GSTA5: variants seen among roughly 807,000 people sequenced by gnomAD.
GSTA5 encodes the protein glutathione S-transferase alpha 5, also known as glutathione S-transferase A5.
GSTA5 carries 25 observed loss-of-function variants against 21.8 expected under a neutral mutation model. The observed-to-expected ratio is 1.14, with a 90% CI of 0.83 to 1.60. The LOEUF (loss-of-function observed/expected upper bound fraction) is 1.60. GSTA5 is among the 40% of genes most tolerant of loss of function. GSTA5 has a pLI of 0.00. For synonymous variants in GSTA5, 102 were observed against 89.5 expected, an observed-to-expected ratio of 1.14 and a Z score of -0.78; for missense variants, 330 against 259.2, an observed-to-expected ratio of 1.27 and a Z score of -1.88.
chr6:52,841,084 T>C (rs541880631), upstream of GSTA5, among the ~76,000 whole-genome samples: 1 of 152,328 alleles, frequency 6.6e-6, no homozygotes, highest in East Asian at 1.9e-4. Flanking sequence ...GAGTATGTGG[T>C]AATAATACAT....
At chr6:52,840,463 T>G (rs1315140893) in intron 1 of GSTA5, among the ~76,000 whole-genome samples, 3 of 152,234 alleles carry the variant, frequency 2.0e-5, no homozygotes, top group African/African-American at 7.2e-5. Context: ...CATAAATTAT[T>G]TTTTACAGTT....
intron 4 of GSTA5, 48 bp downstream of exon 4, chr6:52,834,093 A>G (rs1764256869): frequency 1.9e-6 from 3 of 1,609,062 alleles, no homozygotes; most frequent in Admixed American, 1.7e-5. Flanking sequence ...CTATTTTTCT[A>G]CTGGTGTCTA....
At chr6:52,844,654 G>A (rs190382893), upstream of GSTA5, among the ~76,000 whole-genome samples, 36 of 152,304 alleles carry the variant, frequency 2.4e-4, no homozygotes, top group Middle Eastern at 3.4e-3. Flanking sequence ...GCTGTAGGTT[G>A]TTTAGTCTCT....
intron 1 of GSTA5, among the ~76,000 whole-genome samples, chr6:52,839,964 T>TGTGAAC (rs1764348865): frequency 6.6e-6 from 1 of 152,220 alleles, no homozygotes; most frequent in Non-Finnish European, 1.5e-5. Context: ...TCACTGTCTA[T>TGTGAAC]CTCCATGACC....
intron 3 of GSTA5, 107 bp from the exon 4 acceptor site, chr6:52,834,389 C>A: frequency 4.7e-6 from 5 of 1,069,852 alleles, no homozygotes; most frequent in Non-Finnish European, 6.8e-6. Context: ...AGTAATTCAC[C>A]TCCAGTTAGT....
At chr6:52,837,250 C>T (rs1230855640) in intron 2 of GSTA5, among the ~76,000 whole-genome samples, 2 of 152,172 alleles carry the variant, frequency 1.3e-5, no homozygotes, top group South Asian at 2.1e-4. Context: ...GGGGAGGGCT[C>T]TATGGGATCC....
intron 1 of GSTA5, among the ~76,000 whole-genome samples, chr6:52,839,578 G>C (rs902905733): frequency 2.6e-5 from 4 of 152,158 alleles, no homozygotes; most frequent in African/African-American, 9.7e-5. Flanking sequence ...TGAGGCTGAA[G>C]GGGCGCGCTA....
intron 3 of GSTA5, among the ~76,000 whole-genome samples, chr6:52,834,970 C>G (rs1275942635): frequency 6.6e-6 from 1 of 152,176 alleles, no homozygotes; most frequent in Non-Finnish European, 1.5e-5. Flanking sequence ...TTGTGTCAAA[C>G]TAGAGTTTCA....
At chr6:52,837,140 T>G (rs1019145134) in intron 2 of GSTA5, among the ~76,000 whole-genome samples, 29 of 152,164 alleles carry the variant, frequency 1.9e-4, no homozygotes, top group Non-Finnish European at 8.8e-5. Flanking sequence ...TGCCACAGTG[T>G]TACTTTGTCA....
upstream of GSTA5, among the ~76,000 whole-genome samples, chr6:52,842,988 G>A (rs540282716): frequency 6.6e-6 from 1 of 152,246 alleles, no homozygotes; most frequent in South Asian, 2.1e-4. Flanking sequence ...ACTTATGAGT[G>A]AGAACATGTG....
At chr6:52,841,256 C>T (rs189349949), upstream of GSTA5, among the ~76,000 whole-genome samples, 10 of 152,262 alleles carry the variant, frequency 6.6e-5, no homozygotes, top group African/African-American at 2.2e-4. Context: ...TTAATGAAAT[C>T]GAACATCAGA....
chr6:52,844,702 T>G (rs1303784348), upstream of GSTA5, among the ~76,000 whole-genome samples: 3 of 152,160 alleles, frequency 2.0e-5, no homozygotes, highest in African/African-American at 7.2e-5. Context: ...GAGGTAGTTA[T>G]TTCTACTTTT....
intron 1 of GSTA5, among the ~76,000 whole-genome samples, chr6:52,839,433 A>G (rs1764341292): frequency 6.6e-6 from 1 of 152,224 alleles, no homozygotes; most frequent in African/African-American, 2.4e-5. Context: ...AAAGGAAACA[A>G]CCTAGAATGA....
intron 2 of GSTA5, among the ~76,000 whole-genome samples, 193 bp from the exon 3 acceptor site, chr6:52,836,561 G>A (rs2127324151): frequency 6.6e-6 from 1 of 152,280 alleles, no homozygotes; most frequent in Non-Finnish European, 1.5e-5. Context: ...ACCCAGGCTG[G>A]AGTGCAGTGG....
At chr6:52,842,703 C>T (rs113430735), upstream of GSTA5, among the ~76,000 whole-genome samples, 108 of 152,258 alleles carry the variant, frequency 7.1e-4, 1 homozygote, top group African/African-American at 2.5e-3. Flanking sequence ...CTGCACCCGC[C>T]GTCAACTAAT....
At position 52,831,972 on chromosome 6, in the gene GSTA5, T is replaced by C; in HGVS notation, c.547-2A>G. 5 of 1,611,774 alleles carry C rather than the reference T, an allele frequency of 3.1e-6. No individual in the cohort carries two copies. The highest frequency in any genetic ancestry group is 3.4e-6 in the Non-Finnish European group (4 of 1,179,350). On this transcript the variant is annotated splice_acceptor_variant, in intron 5 of 5. Coordinates refer to ENST00000370989, the Ensembl canonical transcript of GSTA5. LOFTEE classifies it high-confidence loss of function. Reference sequence around the variant, plus strand: ...GTTGCTGATTCTGGTTTTCAGGGCCTGTAATCCACAAAGCACAGCCTCAGA... The same window carrying C: ...GTTGCTGATTCTGGTTTTCAGGGCCCGTAATCCACAAAGCACAGCCTCAGA...
intron 3 of GSTA5, 120 bp from the exon 4 acceptor site, chr6:52,834,402 C>T: frequency 1.2e-6 from 1 of 833,544 alleles, no homozygotes; most frequent in Admixed American, 2.5e-5. Context: ...CAGTTAGTGC[C>T]TTTTATACGC....
At chr6:52,843,613 A>C (rs897833901), upstream of GSTA5, among the ~76,000 whole-genome samples, 6 of 152,214 alleles carry the variant, frequency 3.9e-5, no homozygotes, top group African/African-American at 1.4e-4. Flanking sequence ...TGGAAAGTAA[A>C]GAATTCTTTG....
chr6:52,838,208 C>G (rs1009651285), intron 1 of GSTA5, among the ~76,000 whole-genome samples: 3 of 152,174 alleles, frequency 2.0e-5, no homozygotes, highest in Non-Finnish European at 4.4e-5. Context: ...TAGAGTCCCA[C>G]ACTAACATTA....
Sources: allele counts gnomAD v4.1 joint callset (sites outside exome capture counted in the v4.1 genomes callset), GRCh38; gene constraint gnomAD v4.1.1; transcripts MANE v1.5; gene names NCBI Gene and HGNC (gene_info 2026-07-23, HGNC 2026-07-21).